The following ANK3 variants were observed in gnomAD, a reference collection of about 807,000 sequenced individuals.
ANK3 encodes the protein ankyrin-3.
A neutral mutation model predicts 370.9 loss-of-function variants in ANK3; 57 were observed. That is an observed-to-expected ratio of 0.15 (90% confidence interval 0.12 to 0.19). ANK3 has a LOEUF of 0.19. Among genes scored for constraint, ANK3 ranks in the 10% least tolerant of loss-of-function variants. The pLI, the probability that ANK3 is intolerant of heterozygous loss-of-function variation, is 1.00. For synonymous variants in ANK3, 1,929 were observed against 1,946.3 expected (o/e 0.99, Z 0.23); for missense variants, 4,439 against 5,302.1 (o/e 0.84, Z 5.06).
intron 8 of ANK3, among the ~76,000 whole-genome samples, chr10:60,224,442 G>A (rs182033655): frequency 2.7e-4 from 41 of 152,130 alleles, no homozygotes; most frequent in Non-Finnish European, 4.9e-4. Context: ...TTGTACATGC[G>A]AAGGTCAAAA....
intron 2 of ANK3, among the ~76,000 whole-genome samples, chr10:60,472,265 G>A (rs1184037153): frequency 6.6e-6 from 1 of 152,106 alleles, no homozygotes; most frequent in African/African-American, 2.4e-5. Flanking sequence ...TAGCACTTTG[G>A]TATCAATAGT....
intron 1 of ANK3, among the ~76,000 whole-genome samples, chr10:60,388,488 A>G (rs565960140): frequency 3.2e-4 from 49 of 152,292 alleles, no homozygotes; most frequent in African/African-American, 1.1e-3. Context: ...ATGCTTTATG[A>G]CCTGCCTTTC....
intron 24 of ANK3, among the ~76,000 whole-genome samples, chr10:60,134,812 A>G (rs2094258826): frequency 6.6e-6 from 1 of 152,208 alleles, no homozygotes; most frequent in Admixed American, 6.5e-5. Flanking sequence ...AGTCTTTGGG[A>G]CTTACTGAGA....
At chr10:60,192,128 G>A (rs1215382855) in intron 16 of ANK3, among the ~76,000 whole-genome samples, 4 of 151,998 alleles carry the variant, frequency 2.6e-5, no homozygotes, top group Non-Finnish European at 5.9e-5. Flanking sequence ...TCCTGACCTC[G>A]TGATCCACCC....
chr10:60,240,326 T>A (rs2097433654), intron 7 of ANK3, among the ~76,000 whole-genome samples: 1 of 145,956 alleles, frequency 6.9e-6, no homozygotes, highest in Non-Finnish European at 1.5e-5. Flanking sequence ...CTTTTTGAGA[T>A]AGAGTTTCGC....
chr10:60,072,285 G>T lies in ANK3; in HGVS notation c.8596C>A (p.Gln2866Lys). ...ESSGATNNKS[Q>K]KEKLSHVLVH... Reference sequence around the variant, plus strand: ...AGTACATGCGAAAGTTTTTCTTTCTGAGACTTATTGTTAGTGGCTCCCGAA... The same window carrying T: ...AGTACATGCGAAAGTTTTTCTTTCTTAGACTTATTGTTAGTGGCTCCCGAA... The change falls in exon 37 of 44, where the codon CAG (glutamine) becomes AAG (lysine). Residue 2866 changes from glutamine to lysine, a missense_variant. Around this residue, in one of 13 missense-constraint regions of ANK3, gnomAD observed 1,601 missense variants for 1,731.7 expected, o/e 0.92. Transcript: ENST00000280772. 6.2e-7 allele frequency: 1 copy of T among 1,614,084 alleles called. No individual in the cohort carries two copies. Among genetic ancestry groups the T allele is most frequent in the African/African-American group, 1.3e-5 (1 of 75,028 alleles).
At chr10:60,494,554 A>G (rs2075604425) in intron 2 of ANK3, among the ~76,000 whole-genome samples, 2 of 152,138 alleles carry the variant, frequency 1.3e-5, no homozygotes, top group Non-Finnish European at 2.9e-5. Context: ...CTACAGTAGA[A>G]CCTGATGCTT....
intron 1 of ANK3, among the ~76,000 whole-genome samples, chr10:60,666,142 G>A (rs1023180128): frequency 7.4e-4 from 112 of 152,242 alleles, no homozygotes; most frequent in African/African-American, 2.6e-3. Flanking sequence ...CAAAATAGCC[G>A]AAAGTATAAG....
chr10:60,558,506 C>A (rs1033205648), intron 2 of ANK3, among the ~76,000 whole-genome samples: 1 of 152,176 alleles, frequency 6.6e-6, no homozygotes, highest in African/African-American at 2.4e-5. Flanking sequence ...GACAACTAAC[C>A]AAGACTTTGA....
chr10:60,217,711 A>G (rs1294922007), intron 8 of ANK3, among the ~76,000 whole-genome samples: 1 of 152,220 alleles, frequency 6.6e-6, no homozygotes, highest in African/African-American at 2.4e-5. Flanking sequence ...CATGTGGCAC[A>G]GAGAAGAATG....
intron 2 of ANK3, among the ~76,000 whole-genome samples, chr10:60,575,136 T>C (rs1421556746): frequency 6.6e-6 from 1 of 152,224 alleles, no homozygotes; most frequent in Non-Finnish European, 1.5e-5. Context: ...TTTATAAAAT[T>C]CTTTTTAAAC....
intron 1 of ANK3, among the ~76,000 whole-genome samples, chr10:60,320,375 C>A (rs1183662974): frequency 2.6e-5 from 4 of 152,186 alleles, no homozygotes; most frequent in Non-Finnish European, 4.4e-5. Flanking sequence ...AGGTGAATCA[C>A]TTGAGGCCAG....
intron 1 of ANK3, among the ~76,000 whole-genome samples, chr10:60,682,923 T>G (rs1243167805): frequency 6.6e-6 from 1 of 152,156 alleles, no homozygotes; most frequent in Non-Finnish European, 1.5e-5. Context: ...TTCATGGGAA[T>G]CCCAACTTGA....
At chr10:60,543,948 T>C (rs1367797273) in intron 2 of ANK3, among the ~76,000 whole-genome samples, 1 of 152,094 alleles carries the variant, frequency 6.6e-6, no homozygotes, top group African/African-American at 2.4e-5. Context: ...ACTTGTGTTA[T>C]TGTTTTTGTT....
intron 28 of ANK3, among the ~76,000 whole-genome samples, chr10:60,096,390 C>T (rs1378936443): frequency 6.6e-6 from 1 of 152,138 alleles, no homozygotes; most frequent in Non-Finnish European, 1.5e-5. Context: ...TTTGTCCCAT[C>T]CTATACATTA....
intron 2 of ANK3, among the ~76,000 whole-genome samples, chr10:60,474,271 A>AT (rs1366475167): frequency 6.0e-4 from 65 of 108,412 alleles, no homozygotes; most frequent in African/African-American, 2.1e-3. Flanking sequence ...GGACAGGAAT[A>AT]CTACTTACAG....
chr10:60,372,515 T>A (rs971609625), intron 1 of ANK3, among the ~76,000 whole-genome samples: 6 of 152,182 alleles, frequency 3.9e-5, no homozygotes, highest in Non-Finnish European at 7.3e-5. Flanking sequence ...TGGGTGGCCA[T>A]GACAGGGTGC....
At chr10:60,080,409 C>T (rs7917800) in intron 36 of ANK3, 128 bp downstream of exon 36, 77,901 of 769,518 alleles carry the variant, frequency 0.1, 4,960 homozygotes, top group African/African-American at 0.22. Context: ...GGTTGTATGA[C>T]AGGGTTTTCC....
At chr10:60,059,120 G>A (rs2079815267) in intron 41 of ANK3, among the ~76,000 whole-genome samples, 2 of 152,202 alleles carry the variant, frequency 1.3e-5, no homozygotes, top group Admixed American at 1.3e-4. Flanking sequence ...GGGCATGTAT[G>A]TAAATTTTCT....
Sources: allele counts gnomAD v4.1 joint callset (sites outside exome capture counted in the v4.1 genomes callset), GRCh38; gene constraint gnomAD v4.1.1; regional missense constraint gnomAD v4.1.1; transcripts MANE v1.5; gene names NCBI Gene and HGNC (gene_info 2026-07-23, HGNC 2026-07-21).